Variants in EPHB6 observed in about 807,000 individuals in gnomAD.
EPHB6 encodes the protein EPH receptor B6.
A neutral mutation model predicts 107.0 loss-of-function variants in EPHB6; 51 were observed. The ratio of observed to expected loss-of-function variants is 0.48; its 90% confidence interval spans 0.38 to 0.60. The LOEUF (loss-of-function observed/expected upper bound fraction) is 0.60. Among genes scored for constraint, EPHB6 ranks in the 20% least tolerant of loss-of-function variants. The pLI is 0.00. For synonymous variants in EPHB6, 553 were observed against 549.0 expected, an observed-to-expected ratio of 1.01 and a Z score of -0.10; for missense variants, 1,141 against 1,355.5, an observed-to-expected ratio of 0.84 and a Z score of 2.48.
Position 142,868,422 on chromosome 7 carries a change from G to C in EPHB6, c.2038+62G>C, listed in dbSNP as rs1159187206. 1 of 1,613,868 alleles carries C rather than the reference G, an allele frequency of 6.2e-7. No homozygotes were observed. The highest frequency in any genetic ancestry group is 8.5e-7 in the Non-Finnish European group (1 of 1,179,888). On this transcript the variant is annotated intron_variant, in intron 14 of 19. Coordinates refer to ENST00000652003, the MANE Select transcript of EPHB6 (RefSeq NM_004445.6). The surrounding 1 kb of genome is among the most constrained non-coding windows in gnomAD (Gnocchi z 4.2). ...GCTCCCTTGTGGCCTCCGCTGGCCA[G>C]AGTCCCATCCAAACACAGCAGGACG... is the stretch of plus-strand genomic sequence containing the variant.
intron 3 of EPHB6, among the ~76,000 whole-genome samples, chr7:142,862,450 G>A (rs1186259458): frequency 6.6e-6 from 1 of 152,196 alleles, no homozygotes; most frequent in African/African-American, 2.4e-5. Context: ...GAGGATCTTT[G>A]TTCACAAAGT....
In EPHB6 at chr7:142,867,527, GT is replaced by G; in HGVS notation, c.1751-80del. On this transcript the variant is annotated intron_variant, in intron 11 of 19. Coordinates refer to ENST00000652003, the MANE Select transcript of EPHB6 (RefSeq NM_004445.6). The surrounding 1 kb of genome is among the most constrained non-coding windows in gnomAD (Gnocchi z 5.3). ...CGCGTGCATGTTGTGTGTGCCTGTG[GT>G]GTGTGTGGGTGCCTGGGCACATGAA... 8.6e-7 allele frequency: 1 copy of G among 1,162,178 alleles called. No homozygotes were observed. The highest frequency in any genetic ancestry group is 1.3e-6 in the Non-Finnish European group (1 of 793,654). The allele number at this position is 1,162,178 out of a possible 1,614,324, so 72.0% of individuals were successfully genotyped here. A position where few individuals can be genotyped will look rare whatever the true frequency, so the allele number is the denominator to read the frequency against.
chr7:142,863,733 C>A, intron 6 of EPHB6, 38 bp downstream of exon 6: 1 of 1,598,424 alleles, frequency 6.3e-7, no homozygotes. Context: ...AATCCCTTGG[C>A]CCTGCCCCTC....
At position 142,867,874 on chromosome 7, in the gene EPHB6, C is replaced by A; in HGVS notation, c.1866-123C>A. ...GCCCTGGGCCCCACGTGGAGATGGG[C>A]AGGAGGGCCAGGCTGTCGTCCCCCC... is the stretch of plus-strand genomic sequence containing the variant. On this transcript the variant is annotated intron_variant, in intron 12 of 19. Transcript: ENST00000652003. The surrounding 1 kb of genome is among the most constrained non-coding windows in gnomAD (Gnocchi z 5.3). 6.8e-7 allele frequency: 1 copy of A among 1,465,532 alleles called. No individual in the cohort carries two copies. Among genetic ancestry groups the A allele is most frequent in the Non-Finnish European group, 9.3e-7 (1 of 1,071,418 alleles). 90.8% of individuals were successfully genotyped at this position (1,465,532 alleles called of 1,614,324 possible).
rs8177149 is a variant in EPHB6, at chr7:142,866,355, C to T, written c.1462+39C>T. ...CTTGGCCTTCAGGATCCCCTGCCTC[C>T]GCTCCTTTGAGCCCCCTTCCCTACT... On this transcript the variant is annotated intron_variant, in intron 9 of 19. Coordinates refer to ENST00000652003, the MANE Select transcript of EPHB6 (RefSeq NM_004445.6). This position sits in a 1 kb window ranked among gnomAD's most constrained non-coding sequence, Gnocchi z 5.2. 77,996 of 1,612,272 alleles carry T rather than the reference C, an allele frequency of 0.048. 2,183 individuals are homozygous for T. The highest frequency in any genetic ancestry group is 0.094 in the African/African-American group (7,058 of 74,960).
At chr7:142,863,398 A>G in intron 5 of EPHB6, 71 bp downstream of exon 5, 11 of 1,483,582 alleles carry the variant, frequency 7.4e-6, no homozygotes, top group Non-Finnish European at 1.0e-5. Context: ...AGTGGGAAAG[A>G]TTTAGAAAAG....
Position 142,858,602 on chromosome 7 carries a change from A to AT in EPHB6, c.-431-2433dup, listed in dbSNP as rs58084930. ...AGGCACACGCCACCACGCCCAGCTA[A>AT]TTTTTTTTTTTTTTTTTGTATTTTT... On this transcript the variant is annotated intron_variant, in intron 1 of 19. Coordinates refer to ENST00000652003, the MANE Select transcript of EPHB6 (RefSeq NM_004445.6). Among the ~76,000 whole-genome samples the AT allele has an allele frequency of 7.2e-3, 931 of 130,062 alleles. 19 individuals carry two copies. Among genetic ancestry groups the AT allele is most frequent in the African/African-American group, 0.025 (858 of 35,016 alleles). 85.3% of individuals were successfully genotyped at this position (130,062 alleles called of 152,430 possible). A position where few individuals can be genotyped will look rare whatever the true frequency, so the allele number is the denominator to read the frequency against.
chr7:142,858,756 G>A (rs1215030039), intron 1 of EPHB6, among the ~76,000 whole-genome samples: 5 of 152,016 alleles, frequency 3.3e-5, no homozygotes, highest in Non-Finnish European at 5.9e-5. Flanking sequence ...GCTATGCTTT[G>A]TAACCTATGA....
intron 1 of EPHB6, among the ~76,000 whole-genome samples, chr7:142,856,829 G>T (rs1318188342): frequency 6.6e-6 from 1 of 152,150 alleles, no homozygotes; most frequent in Non-Finnish European, 1.5e-5. Context: ...GCACTGATGT[G>T]CATCTTCTGC....
intron 19 of EPHB6, 40 bp from the exon 20 acceptor site, chr7:142,870,756 G>C: frequency 6.2e-7 from 1 of 1,614,154 alleles, no homozygotes; most frequent in Non-Finnish European, 8.5e-7. Context: ...GGGGATCTCG[G>C]AGAAGCTGGC....
In EPHB6 at chr7:142,866,516, C is replaced by T. The variant is rs1288002287; in HGVS notation, c.1498C>T (p.Arg500Trp). 5 of 1,614,134 alleles carry T rather than the reference C, an allele frequency of 3.1e-6. No homozygotes were observed. Among genetic ancestry groups the T allele is most frequent in the Non-Finnish European group, 4.2e-6 (5 of 1,180,036 alleles). The change falls in exon 10 of 20, where the codon CGG becomes TGG. Residue 500 changes from arginine (R) to tryptophan (W), a missense_variant. Physicochemically the swap from Arg to Trp is moderately radical, Grantham distance 101 (BLOSUM62 -3). This residue lies in a region of EPHB6 where 616 missense variants were observed against 759.3 expected (regional missense o/e 0.81). Coordinates refer to ENST00000652003, the MANE Select transcript of EPHB6 (RefSeq NM_004445.6). This position sits in a 1 kb window ranked among gnomAD's most constrained non-coding sequence, Gnocchi z 5.2. The part of the protein sequence containing the change: ...SAVPVVHQVS[R>W]ASNSITVSWP... Reference sequence around the variant, plus strand: ...TGTCCCTGTGGTGCACCAGGTGAGCCGGGCATCCAACAGCATCACGGTGTC... The same window carrying T: ...TGTCCCTGTGGTGCACCAGGTGAGCTGGGCATCCAACAGCATCACGGTGTC...
In EPHB6 at chr7:142,863,320, T is replaced by C. The variant is rs1219422017; in HGVS notation, c.93T>C (p.Ala31=). The change falls in exon 5 of 20, where the codon GCT becomes GCC. Residue 31 remains alanine, a synonymous_variant. Coordinates refer to ENST00000652003, the MANE Select transcript of EPHB6 (RefSeq NM_004445.6). The stretch of plus-strand genomic sequence containing the variant: ...TGCTCCTGGTGTCTTCAGTTCTGGC[T>C]CTGGAAGGTAAGAGGGAGGGGAGAC... ...WVLLLVSSVL[A]LEEVLLDTTG... is the part of the protein sequence containing the mutation. 3 of 1,613,536 alleles carry C rather than the reference T, an allele frequency of 1.9e-6. No homozygotes were observed. Among genetic ancestry groups the C allele is most frequent in the Non-Finnish European group, 1.7e-6 (2 of 1,179,874 alleles).
rs747410220 is a variant in EPHB6, at chr7:142,863,690, G to A, written c.160G>A (p.Gly54Arg). The A allele has an allele frequency of 5.6e-6, 9 of 1,612,168 alleles. No individual in the cohort carries two copies. Among genetic ancestry groups the A allele is most frequent in the Non-Finnish European group, 7.6e-6 (9 of 1,178,886 alleles). Residue 54 changes from glycine (G) to arginine (R), a missense_variant, in exon 6 of 20, where the codon GGG becomes AGG. Physicochemically the swap from Gly to Arg is moderately radical, Grantham distance 125. Transcript: ENST00000652003. ...SEIGWLTYPPGGWDEVSVLDD... is the reference protein window; with the variant it reads ...SEIGWLTYPPRGWDEVSVLDD... ...GATTGGCTGGCTCACCTACCCACCA[G>A]GGGGGGTGAGTGCCACTCTAATTCT...
chr7:142,863,175 A>C lies in EPHB6; in HGVS notation c.-53A>C, dbSNP rs984761514. 6.5e-7 allele frequency: 1 copy of C among 1,539,144 alleles called. No individual in the cohort carries two copies. Among genetic ancestry groups the C allele is most frequent in the Non-Finnish European group, 9.0e-7 (1 of 1,114,770 alleles). On this transcript the variant is annotated 5_prime_UTR_variant, in exon 5 of 20. Transcript: ENST00000652003. ...TGAGTCTTGCAAAAGCTGCAGCCCC[A>C]CCCAGGAGCAGGGTGGTGGCTGGGG...
At position 142,865,315 on chromosome 7, in the gene EPHB6, T is replaced by C. The variant is rs1392305280; in HGVS notation, c.950-160T>C. ...GTCCCAGCAATTGGCAGAAGAAATC[T>C]CTGCCTGAGGGAAGAGAGGGTGGGG... On this transcript the variant is annotated intron_variant, in intron 7 of 19. Coordinates refer to ENST00000652003, the MANE Select transcript of EPHB6 (RefSeq NM_004445.6). 2.0e-5 allele frequency among the ~76,000 whole-genome samples: 3 copies of C among 152,208 alleles called. No homozygotes were observed. In the East Asian group the frequency reaches 5.8e-4, roughly 29 times the overall value.
rs1416966463 is a variant in EPHB6 at position 142,866,454 on chromosome 7, C to T, written c.1463-27C>T. The T allele has an allele frequency of 1.2e-6, 2 of 1,613,782 alleles. No homozygotes were observed. The highest frequency in any genetic ancestry group is 1.7e-6 in the Non-Finnish European group (2 of 1,180,010). On this transcript the variant is annotated intron_variant, in intron 9 of 19. Transcript: ENST00000652003. This position sits in a 1 kb window ranked among gnomAD's most constrained non-coding sequence, Gnocchi z 5.2. ...TCCTGCTCCCAGGGACTCCTATCCC[C>T]ATAATAATTTTCCTTTTGCACTCTA...
chr7:142,858,423 CTTTTTTTTTTTTT>C (rs958011230), intron 1 of EPHB6, among the ~76,000 whole-genome samples: 5 of 57,614 alleles, frequency 8.7e-5, no homozygotes, highest in African/African-American at 2.3e-4. Flanking sequence ...TTAAGTCATT[CTTTTTTTTTTTTT>C]TTTTTTTTTT....
At chr7:142,859,062 C>T (rs562544179) in intron 1 of EPHB6, among the ~76,000 whole-genome samples, 1 of 152,338 alleles carries the variant, frequency 6.6e-6, no homozygotes, top group East Asian at 1.9e-4. Context: ...AAACCTTATA[C>T]ACATCTGAAA....
chr7:142,862,984 G>A, intron 4 of EPHB6, 143 bp from the exon 5 acceptor site: 2 of 560,174 alleles, frequency 3.6e-6, no homozygotes, highest in Non-Finnish European at 6.4e-6. Context: ...ATGCAACCTG[G>A]CTTCTGTCCC....
Sources: gnomAD v4.1 joint callset for allele counts (sites outside exome capture counted in the v4.1 genomes callset) on GRCh38, gnomAD v4.1.1 for gene constraint, gnomAD v4.1.1 regional missense constraint, Gnocchi (gnomAD v3.1) non-coding constraint, MANE v1.5 for transcripts, NCBI Gene and HGNC (gene_info 2026-07-23, HGNC 2026-07-21) for gene names.